Variants in ST6GAL1 observed in about 807,000 individuals in gnomAD.
ST6GAL1 encodes beta-galactoside alpha-2,6-sialyltransferase 1.
In ST6GAL1, 20 loss-of-function variants were observed where a neutral mutation model predicts 38.0. That is an observed-to-expected ratio of 0.53 (90% CI 0.37 to 0.77). The LOEUF (loss-of-function observed/expected upper bound fraction) is 0.77. Among genes scored for constraint, ST6GAL1 ranks in the 30% least tolerant of loss-of-function variants. The pLI, the probability that ST6GAL1 is intolerant of heterozygous loss-of-function variation, is 0.00. For missense variants in ST6GAL1, 432 were observed against 496.4 expected (o/e 0.87, Z 1.23); for synonymous variants, 196 against 188.2 (o/e 1.04, Z -0.34).
At chr3:186,971,110 C>T (rs1008738126) in intron 2 of ST6GAL1, among the ~76,000 whole-genome samples, 5 of 152,156 alleles carry the variant, frequency 3.3e-5, no homozygotes, top group Non-Finnish European at 5.9e-5. Flanking sequence ...TTTTTGGACA[C>T]GGAGTTTCAC....
chr3:187,073,655 T>G (rs1719461059), intron 6 of ST6GAL1: 1 of 153,514 alleles, frequency 6.5e-6, no homozygotes, highest in Admixed American at 6.5e-5. Context: ...CTTGGGACAC[T>G]TAACTCTTAA....
chr3:186,969,300 G>T (rs1040448118), intron 2 of ST6GAL1, among the ~76,000 whole-genome samples: 7 of 152,074 alleles, frequency 4.6e-5, no homozygotes, highest in Non-Finnish European at 1.0e-4. Context: ...TGATCTGCCC[G>T]CCTCAGCCCC....
intron 2 of ST6GAL1, among the ~76,000 whole-genome samples, chr3:187,003,776 A>G (rs1716695986): frequency 6.6e-6 from 1 of 152,242 alleles, no homozygotes; most frequent in Admixed American, 6.5e-5. Context: ...ACCATTCTGG[A>G]CATAACCATA....
chr3:187,067,644 G>A (rs1308043937), intron 5 of ST6GAL1, among the ~76,000 whole-genome samples: 4 of 152,072 alleles, frequency 2.6e-5, no homozygotes, highest in Admixed American at 6.5e-5. Flanking sequence ...TCAAGTGAAT[G>A]GCTGTTTTTC....
chr3:186,985,710 C>T (rs138122915), intron 2 of ST6GAL1, among the ~76,000 whole-genome samples: 2,196 of 148,982 alleles, frequency 0.015, 45 homozygotes, highest in African/African-American at 0.051. Flanking sequence ...CAGAGGTGGA[C>T]GTTGCAGTGA....
rs1486072620 is a variant in ST6GAL1 at position 187,069,734 on chromosome 3, T to A, written c.706-3115T>A. Among the ~76,000 whole-genome samples the A allele has an allele frequency of 3.3e-5, 5 of 152,330 alleles. No individual in the cohort carries two copies. The East Asian group carries it at 9.7e-4, about 29-fold the overall frequency. ...CCTAAGCTCCCTGGCTTGGCCTCTG[T>A]CTACATTTCTCTGATCTCTTCCAGC... On this transcript the variant is annotated intron_variant, in intron 5 of 7. Transcript: ENST00000169298.
At chr3:186,993,801 A>G (rs1021182425) in intron 2 of ST6GAL1, among the ~76,000 whole-genome samples, 2 of 152,112 alleles carry the variant, frequency 1.3e-5, no homozygotes, top group African/African-American at 4.8e-5. Context: ...CTTCACCTGT[A>G]AAATAATCAA....
chr3:187,059,878 A>T (rs533743497), intron 5 of ST6GAL1, among the ~76,000 whole-genome samples: 52 of 152,338 alleles, frequency 3.4e-4, no homozygotes, highest in African/African-American at 1.2e-3. Flanking sequence ...TAGAGAAGAG[A>T]GTGGTCAAGG....
chr3:187,018,112 T>G (rs1206394194), intron 2 of ST6GAL1, among the ~76,000 whole-genome samples: 1 of 152,164 alleles, frequency 6.6e-6, no homozygotes, highest in Non-Finnish European at 1.5e-5. Flanking sequence ...TGCCTTTGCC[T>G]GGTGAGTGCT....
At chr3:186,991,416 G>A (rs1377927572) in intron 2 of ST6GAL1, among the ~76,000 whole-genome samples, 1 of 152,166 alleles carries the variant, frequency 6.6e-6, no homozygotes, top group Non-Finnish European at 1.5e-5. Flanking sequence ...ACAGGGTGCT[G>A]TGGGAGCACA....
intron 2 of ST6GAL1, among the ~76,000 whole-genome samples, chr3:187,024,432 CTA>C (rs61210528): frequency 0.86 from 125,320 of 146,262 alleles, 53,743 homozygotes; most frequent in East Asian, 0.92. Flanking sequence ...CACATATACT[CTA>C]TATATATATA....
intron 2 of ST6GAL1, among the ~76,000 whole-genome samples, chr3:187,015,044 G>A (rs1717072750): frequency 6.6e-6 from 1 of 152,176 alleles, no homozygotes; most frequent in Non-Finnish European, 1.5e-5. Context: ...ATTCATCACT[G>A]AGTGTAAATT....
intron 5 of ST6GAL1, among the ~76,000 whole-genome samples, chr3:187,068,633 CGG>C (rs1296916026): frequency 6.6e-6 from 1 of 152,148 alleles, no homozygotes; most frequent in Admixed American, 6.5e-5. Context: ...TTTCTGAGGA[CGG>C]TGAAGCCACA....
chr3:186,983,668 T>C (rs1367634267), intron 2 of ST6GAL1, among the ~76,000 whole-genome samples: 2 of 152,168 alleles, frequency 1.3e-5, no homozygotes, highest in African/African-American at 4.8e-5. Flanking sequence ...TATTACTATG[T>C]GCAAGGTAAT....
At chr3:187,057,574 C>T (rs1375205206) in intron 5 of ST6GAL1, among the ~76,000 whole-genome samples, 2 of 152,180 alleles carry the variant, frequency 1.3e-5, no homozygotes, top group South Asian at 2.1e-4. Flanking sequence ...TTGGAGTTTG[C>T]TGGAGGTCCA....
chr3:186,936,007 TG>T (rs1713940354), intron 1 of ST6GAL1, among the ~76,000 whole-genome samples: 4 of 152,216 alleles, frequency 2.6e-5, no homozygotes, highest in African/African-American at 4.8e-5. Context: ...GGGGGTCTTG[TG>T]CTTAGCCTGG....
chr3:187,011,578 C>T (rs1295429513), intron 2 of ST6GAL1, among the ~76,000 whole-genome samples: 2 of 152,344 alleles, frequency 1.3e-5, no homozygotes, highest in Admixed American at 6.5e-5. Context: ...AAACAACCTC[C>T]TGCTCTTTTT....
Position 186,984,649 on chromosome 3 carries a change from T to C in ST6GAL1, c.-183+20723T>C, listed in dbSNP as rs1043479702. ...ATGTCCCCTTCTCAGTGAGTTCTCC[T>C]CTGACTGCCCTTTGGAAAATGGAAA... On this transcript the variant is annotated intron_variant, in intron 2 of 7. Coordinates refer to ENST00000169298, the MANE Select transcript of ST6GAL1 (RefSeq NM_173216.2). 2.6e-5 allele frequency among the ~76,000 whole-genome samples: 4 copies of C among 152,042 alleles called. No individual in the cohort carries two copies. In the East Asian group the frequency reaches 7.7e-4, roughly 29 times the overall value.
Position 186,973,919 on chromosome 3 carries a change from G to A in ST6GAL1, c.-183+9993G>A, listed in dbSNP as rs1715436279. On this transcript the variant is annotated intron_variant, in intron 2 of 7. Transcript: ENST00000169298. Reference sequence around the variant, plus strand: ...GGGCACTGTGAACACATGAGCCATGGCGCTTGACCTCCTGTAGCATGTGAG... The same window carrying A: ...GGGCACTGTGAACACATGAGCCATGACGCTTGACCTCCTGTAGCATGTGAG... Among the ~76,000 whole-genome samples the A allele has an allele frequency of 2.6e-5, 4 of 152,322 alleles. No individual in the cohort carries two copies. In the South Asian group the frequency reaches 8.3e-4, roughly 32 times the overall value.
Sources: allele counts gnomAD v4.1 joint callset (sites outside exome capture counted in the v4.1 genomes callset), GRCh38; gene constraint gnomAD v4.1.1; transcripts MANE v1.5; gene names NCBI Gene and HGNC (gene_info 2026-07-23, HGNC 2026-07-21).